Variants in ADGRF1 observed in about 807,000 individuals in gnomAD.
The protein encoded by ADGRF1 is G protein-coupled receptor 110.
Under a neutral mutation model 87.2 loss-of-function variants are expected in ADGRF1, and 85 were observed. The observed-to-expected ratio is 0.97, with a 90% CI of 0.82 to 1.17. The LOEUF (loss-of-function observed/expected upper bound fraction) is 1.17, where lower values mean the gene tolerates loss of function less well. ADGRF1 is among the 50% of genes most tolerant of loss of function. The pLI is 0.00. For synonymous variants in ADGRF1, 430 were observed against 408.8 expected, an observed-to-expected ratio of 1.05 and a Z score of -0.63; for missense variants, 1,169 against 1,077.2, an observed-to-expected ratio of 1.09 and a Z score of -1.19.
intron 6 of ADGRF1, 79 bp from the exon 7 acceptor site, chr6:47,020,868 G>T: frequency 2.8e-6 from 3 of 1,079,966 alleles, no homozygotes; most frequent in East Asian, 4.8e-5. Context: ...AATTGATACA[G>T]ACAATAAATA....
intron 1 of ADGRF1, among the ~76,000 whole-genome samples, chr6:47,033,565 G>A (rs894414909): frequency 6.6e-6 from 1 of 152,256 alleles, no homozygotes; most frequent in Admixed American, 6.5e-5. Flanking sequence ...ATTCCCAGTA[G>A]AGCTGTCTCT....
intron 13 of ADGRF1, chr6:47,001,916 G>A: frequency 4.6e-6 from 1 of 215,938 alleles, no homozygotes; most frequent in Non-Finnish European, 9.3e-6. Context: ...GGAGGAAAAT[G>A]GAGGAAAAAC....
intron 1 of ADGRF1, among the ~76,000 whole-genome samples, chr6:47,041,327 G>A (rs1184005516): frequency 6.6e-6 from 1 of 151,838 alleles, no homozygotes; most frequent in Admixed American, 6.6e-5. Context: ...TGTTATTCTT[G>A]CCTCTGTTTG....
chr6:47,019,280 T>A, intron 7 of ADGRF1: 1 of 963,464 alleles, frequency 1.0e-6, no homozygotes, highest in African/African-American at 1.8e-5. Flanking sequence ...AACCTCAATA[T>A]AAAAAAAAGC....
intron 1 of ADGRF1, among the ~76,000 whole-genome samples, chr6:47,039,544 AC>A (rs1472545389): frequency 6.6e-6 from 1 of 152,220 alleles, no homozygotes; most frequent in Non-Finnish European, 1.5e-5. Context: ...GGTTTTGTGT[AC>A]TATGGGTTGA....
At chr6:47,025,731 G>C in intron 4 of ADGRF1, 123 bp downstream of exon 4, 2 of 921,228 alleles carry the variant, frequency 2.2e-6, no homozygotes, top group South Asian at 3.9e-5. Context: ...AAGATATAAA[G>C]CATTTATTCT....
rs1358721159 is a variant in ADGRF1 at position 47,027,708 on chromosome 6, A to G, written c.123T>C (p.His41=). ...KKELIVNKKK[H]LGPVEEYQLL... is the part of the protein sequence containing the mutation. ...TGCTGTCTAACAGAGCCTCACCTAG[A>G]TGTTTTTTCTTATTCACAATGAGTT... Residue 41 remains histidine, a synonymous_variant, in exon 3 of 15, where the codon CAT becomes CAC. Transcript: ENST00000371253. The G allele has an allele frequency of 1.2e-6, 2 of 1,604,860 alleles. No homozygotes were observed. The highest frequency in any genetic ancestry group is 1.3e-5 in the African/African-American group (1 of 74,552).
intron 9 of ADGRF1, 48 bp downstream of exon 9, chr6:47,014,633 C>T (rs762527278): frequency 7.5e-6 from 12 of 1,590,742 alleles, no homozygotes; most frequent in Non-Finnish European, 1.0e-5. Flanking sequence ...GATATTGCCA[C>T]TCTGAAACTC....
chr6:47,014,208 C>G, intron 9 of ADGRF1: 13 of 979,554 alleles, frequency 1.3e-5, no homozygotes, highest in Non-Finnish European at 1.6e-5. Flanking sequence ...CCAGATGCCC[C>G]TTAAGGTCCA....
chr6:47,021,102 A>C (rs1237122392), intron 6 of ADGRF1, among the ~76,000 whole-genome samples: 1 of 152,214 alleles, frequency 6.6e-6, no homozygotes, highest in Non-Finnish European at 1.5e-5. Flanking sequence ...AAATTTACCC[A>C]AAATCCATTT....
chr6:47,000,271 C>T lies in ADGRF1; in HGVS notation c.2684G>A (p.Gly895Glu). The change falls in exon 15 of 15, where the codon GGA (glycine) becomes GAA (glutamate). Residue 895 changes from glycine (G) to glutamate (E), a missense_variant. By Grantham distance (98) the Gly-to-Glu change is moderately conservative. Coordinates refer to ENST00000371253, the MANE Select transcript of ADGRF1 (RefSeq NM_153840.4). The part of the protein sequence containing the change: ...NKGHYAFSHT[G>E]DSSDNIMLTQ... ...TAGCATGATGTTGTCGGAGGAATCTCCAGTATGAGAAAATGCATAATGGCC... is the reference window on the plus strand; with the variant it reads ...TAGCATGATGTTGTCGGAGGAATCTTCAGTATGAGAAAATGCATAATGGCC... The T allele has an allele frequency of 1.9e-6, 3 of 1,601,594 alleles. No individual in the cohort carries two copies. Among genetic ancestry groups the T allele is most frequent in the Non-Finnish European group, 2.6e-6 (3 of 1,171,924 alleles).
Position 47,028,987 on chromosome 6 carries a change from A to G in ADGRF1, c.69+6T>C. The G allele has an allele frequency of 6.2e-7, 1 of 1,612,462 alleles. No homozygotes were observed. The highest frequency in any genetic ancestry group is 8.5e-7 in the Non-Finnish European group (1 of 1,178,588). Reference sequence around the variant, plus strand: ...AGAAGAGATATGAGACATAGCACCAACTCACCCCCAGGAAGCCACCGTGGC... The same window carrying G: ...AGAAGAGATATGAGACATAGCACCAGCTCACCCCCAGGAAGCCACCGTGGC... On this transcript the variant is annotated splice_donor_region_variant and intron_variant, in intron 2 of 14. Transcript: ENST00000371253.
intron 1 of ADGRF1, among the ~76,000 whole-genome samples, chr6:47,037,174 A>G (rs1333719646): frequency 6.6e-6 from 1 of 152,200 alleles, no homozygotes; most frequent in Non-Finnish European, 1.5e-5. Flanking sequence ...CCAAATGGAT[A>G]GGCAAAATTT....
At chr6:47,018,155 G>A (rs1274792762) in intron 7 of ADGRF1, 14 of 245,096 alleles carry the variant, frequency 5.7e-5, no homozygotes, top group Admixed American at 2.1e-4. Context: ...CAAGTAGGCC[G>A]TTGGTTATTT....
intron 5 of ADGRF1, 34 bp downstream of exon 5, chr6:47,024,010 G>A (rs1186971474): frequency 1.9e-6 from 3 of 1,586,492 alleles, no homozygotes; most frequent in Non-Finnish European, 2.6e-6. Flanking sequence ...TGGGGTGGGA[G>A]AAGCCCCAGC....
At chr6:47,002,393 A>C (rs1327618764) in intron 13 of ADGRF1, among the ~76,000 whole-genome samples, 2 of 152,246 alleles carry the variant, frequency 1.3e-5, no homozygotes, top group East Asian at 1.9e-4. Flanking sequence ...GAAAAAAAAA[A>C]GCTACAAAAA....
In ADGRF1 at chr6:47,010,275, A is replaced by C; in HGVS notation, c.1160T>G (p.Val387Gly). ...CCGCAGTAAGACTGTCCAGTTGGTTACTGAGGCTGAATTAAGGATATTGTC... is the reference window on the plus strand; with the variant it reads ...CCGCAGTAAGACTGTCCAGTTGGTTCCTGAGGCTGAATTAAGGATATTGTC... ...IADNILNSAS[V>G]TNWTVLLREE... Residue 387 changes from valine to glycine, a missense_variant, in exon 11 of 15, where the codon GTA becomes GGA. Coordinates refer to ENST00000371253, the MANE Select transcript of ADGRF1 (RefSeq NM_153840.4). 1 of 1,613,372 alleles carries C rather than the reference A, an allele frequency of 6.2e-7. No homozygotes were observed. The highest frequency in any genetic ancestry group is 8.5e-7 in the Non-Finnish European group (1 of 1,179,702).
intron 3 of ADGRF1, among the ~76,000 whole-genome samples, chr6:47,026,737 T>C (rs936438675): frequency 2.6e-5 from 4 of 152,148 alleles, no homozygotes; most frequent in Non-Finnish European, 4.4e-5. Context: ...AGCTCACCTA[T>C]GAAAGACCTG....
intron 1 of ADGRF1, among the ~76,000 whole-genome samples, chr6:47,029,873 C>T (rs539434117): frequency 6.6e-6 from 1 of 152,178 alleles, no homozygotes. Context: ...TTGGGTAGCT[C>T]AACACAGAAC....
Sources: gnomAD v4.1 joint callset for allele counts (sites outside exome capture counted in the v4.1 genomes callset) on GRCh38, gnomAD v4.1.1 for gene constraint, MANE v1.5 for transcripts, NCBI Gene and HGNC (gene_info 2026-07-23, HGNC 2026-07-21) for gene names.